CLEC2A: variants seen among roughly 807,000 people sequenced by gnomAD.
CLEC2A encodes C-type lectin domain family 2 member A.
A neutral mutation model predicts 18.6 loss-of-function variants in CLEC2A; 19 were observed. That is an observed-to-expected ratio of 1.02 (90% confidence interval 0.71 to 1.50). CLEC2A has a LOEUF of 1.50. Among genes scored for constraint, CLEC2A ranks in the 40% most tolerant of loss-of-function variants. The probability of loss-of-function intolerance (pLI) is 0.00; values close to 1 mark genes in which losing one functional copy is unlikely to be tolerated. For synonymous variants in CLEC2A, 74 were observed against 64.0 expected, an observed-to-expected ratio of 1.16 and a Z score of -0.75; for missense variants, 190 against 207.9, an observed-to-expected ratio of 0.91 and a Z score of 0.53.
downstream of CLEC2A, chr12:9,895,616 G>C (rs937124362): frequency 9.5e-6 from 13 of 1,372,108 alleles, no homozygotes; most frequent in Admixed American, 1.5e-4. Context: ...TAAAAGTTTG[G>C]CTGGAGAAAA....
chr12:9,889,670 G>GTATGTA, the CLEC2A span, among the ~76,000 whole-genome samples: 8 of 149,528 alleles, frequency 5.4e-5, no homozygotes, highest in South Asian at 8.4e-4. Context: ...GTATATATAT[G>GTATGTA]TATATATATA....
intron 4 of CLEC2A, among the ~76,000 whole-genome samples, chr12:9,915,094 A>G (rs946358786): frequency 1.3e-5 from 2 of 151,340 alleles, no homozygotes; most frequent in Non-Finnish European, 2.9e-5. Context: ...CAAACATTTG[A>G]AAAAAAAAGC....
downstream of CLEC2A, among the ~76,000 whole-genome samples, chr12:9,910,665 T>C (rs999396514): frequency 1.3e-5 from 2 of 152,250 alleles, no homozygotes; most frequent in African/African-American, 2.4e-5. Flanking sequence ...AAGGAAATAC[T>C]TTATTGCCCC....
chr12:9,910,629 T>G (rs1438034698), downstream of CLEC2A, among the ~76,000 whole-genome samples: 1 of 152,208 alleles, frequency 6.6e-6, no homozygotes, highest in Non-Finnish European at 1.5e-5. Context: ...TCACACACTT[T>G]CAACCTCCAA....
the CLEC2A span, chr12:9,893,317 A>G: frequency 4.8e-6 from 4 of 833,746 alleles, no homozygotes; most frequent in Non-Finnish European, 7.2e-6. Flanking sequence ...AAAAAATGCT[A>G]ATGTATATGA....
chr12:9,930,916 C>T (rs758098764), intron 1 of CLEC2A, among the ~76,000 whole-genome samples: 1 of 151,900 alleles, frequency 6.6e-6, no homozygotes, highest in Non-Finnish European at 1.5e-5. Flanking sequence ...TAATTAACTC[C>T]TCAAAGTGTT....
chr12:9,903,599 C>A (rs544136653), intron 4 of CLEC2A, among the ~76,000 whole-genome samples: 1 of 152,290 alleles, frequency 6.6e-6, no homozygotes, highest in Admixed American at 6.5e-5. Context: ...AGACCTCACC[C>A]TTATCTGCTA....
chr12:9,913,686 A>G lies in CLEC2A; in HGVS notation c.411-6T>C. On this transcript the variant is annotated splice_polypyrimidine_tract_variant and splice_region_variant and intron_variant, in intron 4 of 4. Coordinates refer to ENST00000455827, the MANE Select transcript of CLEC2A (RefSeq NM_001130711.2). ...CGTTCCCTATAATTTCAAACCTGAA[A>G]AAGAACACTCTAAATCAGTCTGGGA... 1 of 1,525,470 alleles carries G rather than the reference A, an allele frequency of 6.6e-7. No individual in the cohort carries two copies. Among genetic ancestry groups the G allele is most frequent in the South Asian group, 1.2e-5 (1 of 82,484 alleles). The allele number at this position is 1,525,470 out of a possible 1,614,324, so 94.5% of individuals were successfully genotyped here.
downstream of CLEC2A, among the ~76,000 whole-genome samples, chr12:9,897,405 T>C (rs181082682): frequency 1.6e-4 from 25 of 152,258 alleles, no homozygotes; most frequent in Non-Finnish European, 2.1e-4. Context: ...AAATTTAATC[T>C]AATTCTGCCT....
At chr12:9,898,209 C>T (rs902275824), downstream of CLEC2A, among the ~76,000 whole-genome samples, 1 of 152,200 alleles carries the variant, frequency 6.6e-6, no homozygotes, top group African/African-American at 2.4e-5. Flanking sequence ...CCAATTTCCT[C>T]ATAGAACTGA....
intron 4 of CLEC2A, among the ~76,000 whole-genome samples, chr12:9,908,101 G>T (rs1862930539): frequency 6.6e-6 from 1 of 152,134 alleles, no homozygotes; most frequent in Non-Finnish European, 1.5e-5. Context: ...TAAATTACGG[G>T]CCTCAAGCTT....
intron 4 of CLEC2A, among the ~76,000 whole-genome samples, chr12:9,901,323 A>C (rs1862826411): frequency 6.6e-6 from 1 of 152,200 alleles, no homozygotes; most frequent in Non-Finnish European, 1.5e-5. Flanking sequence ...AAAAGGATTA[A>C]AACAAGACAA....
chr12:9,919,467 G>A (rs1400225389), intron 3 of CLEC2A, among the ~76,000 whole-genome samples: 1 of 152,196 alleles, frequency 6.6e-6, no homozygotes, highest in Middle Eastern at 3.2e-3. Flanking sequence ...AGAGACTTAG[G>A]GTCTTTGCTC....
At chr12:9,911,127 C>T (rs111901160), downstream of CLEC2A, among the ~76,000 whole-genome samples, 152 of 152,270 alleles carry the variant, frequency 1.0e-3, no homozygotes, top group African/African-American at 3.4e-3. Context: ...TAAACTAGTC[C>T]TGATTGGCTA....
chr12:9,915,894 C>A (rs1863063607), intron 4 of CLEC2A, among the ~76,000 whole-genome samples: 1 of 152,026 alleles, frequency 6.6e-6, no homozygotes, highest in Admixed American at 6.5e-5. Flanking sequence ...AATTAATTTT[C>A]TTTGTTGATA....
chr12:9,882,754 C>T, the CLEC2A span, among the ~76,000 whole-genome samples: 2 of 151,654 alleles, frequency 1.3e-5, no homozygotes, highest in Non-Finnish European at 2.9e-5. Flanking sequence ...GCACTCCAGC[C>T]TGAGTGACAG....
chr12:9,924,678 A>C (rs562300687), intron 2 of CLEC2A, among the ~76,000 whole-genome samples: 43 of 152,320 alleles, frequency 2.8e-4, no homozygotes, highest in African/African-American at 1.0e-3. Context: ...TGCAATTCCA[A>C]TGAGACAGTC....
chr12:9,884,991 T>A, the CLEC2A span: 3 of 1,333,424 alleles, frequency 2.2e-6, no homozygotes, highest in African/African-American at 3.0e-5. Context: ...TGCATTGTGA[T>A]CCTTATATTC....
In CLEC2A at chr12:9,919,005, G is replaced by A. The variant is rs139083930; in HGVS notation, c.307-2202C>T. Among the ~76,000 whole-genome samples the A allele has an allele frequency of 7.6e-3, 1,161 of 152,250 alleles. 11 individuals are homozygous for A. Among genetic ancestry groups the A allele is most frequent in the Non-Finnish European group, 0.013 (903 of 68,008 alleles). On this transcript the variant is annotated intron_variant, in intron 3 of 4. Transcript: ENST00000455827. ...TTTGAGGTGTGATCCAGTAGGTTGCGCTTGGACGTATTTGTCAGTTGGGAG... is the reference window on the plus strand; with the variant it reads ...TTTGAGGTGTGATCCAGTAGGTTGCACTTGGACGTATTTGTCAGTTGGGAG...
Sources: gnomAD v4.1 joint callset for allele counts (sites outside exome capture counted in the v4.1 genomes callset) on GRCh38, gnomAD v4.1.1 for gene constraint, MANE v1.5 for transcripts, NCBI Gene and HGNC (gene_info 2026-07-23, HGNC 2026-07-21) for gene names.